The following VWA8 variants were observed in gnomAD, a reference collection of about 807,000 sequenced individuals.
The protein encoded by VWA8 is von Willebrand factor A domain containing 8.
VWA8 carries 221 observed loss-of-function variants against 241.5 expected under a neutral mutation model. The observed-to-expected ratio is 0.91, with a 90% CI of 0.82 to 1.02. The LOEUF (loss-of-function observed/expected upper bound fraction) is 1.02, where lower values mean the gene tolerates loss of function less well. VWA8 is among the 50% of genes least tolerant of loss of function. The pLI, the probability that VWA8 is intolerant of heterozygous loss-of-function variation, is 0.00. For missense variants in VWA8, 2,322 were observed against 2,328.7 expected, an observed-to-expected ratio of 1.00 and a Z score of 0.06; for synonymous variants, 852 against 827.1, an observed-to-expected ratio of 1.03 and a Z score of -0.52.
chr13:41,852,259 C>G (rs1216166607), intron 12 of VWA8, among the ~76,000 whole-genome samples: 2 of 152,092 alleles, frequency 1.3e-5, no homozygotes, highest in Non-Finnish European at 2.9e-5. Context: ...TGAGAAATGT[C>G]TATTCAGGTT....
chr13:41,950,379 T>A (rs74386701), intron 1 of VWA8, among the ~76,000 whole-genome samples: 1 of 152,046 alleles, frequency 6.6e-6, no homozygotes, highest in African/African-American at 2.4e-5. Flanking sequence ...TTTTTTTTTT[T>A]TGTTTTTGAG....
intron 27 of VWA8, 22 bp downstream of exon 27, chr13:41,703,281 A>G: frequency 6.3e-7 from 1 of 1,582,798 alleles, no homozygotes; most frequent in South Asian, 1.1e-5. Context: ...ATATTTTAAG[A>G]GAGAATAATG....
At chr13:41,756,748 GT>G (rs1387055700) in intron 21 of VWA8, among the ~76,000 whole-genome samples, 1 of 151,430 alleles carries the variant, frequency 6.6e-6, no homozygotes. Flanking sequence ...AAGAAAAAAA[GT>G]TTTTTCCTTA....
At chr13:41,678,920 A>G (rs905756438) in intron 35 of VWA8, among the ~76,000 whole-genome samples, 40 of 152,214 alleles carry the variant, frequency 2.6e-4, no homozygotes, top group African/African-American at 8.9e-4. Flanking sequence ...TAAAAATAAT[A>G]AAAATTGATG....
intron 17 of VWA8, among the ~76,000 whole-genome samples, chr13:41,803,059 C>T (rs968373619): frequency 3.3e-5 from 5 of 152,200 alleles, no homozygotes; most frequent in Non-Finnish European, 4.4e-5. Context: ...CCAAGACCAC[C>T]AATGTGGTAT....
intron 8 of VWA8, among the ~76,000 whole-genome samples, chr13:41,884,890 TATACATACATACATACATACATACATAC>T (rs10544998): frequency 4.7e-5 from 7 of 149,936 alleles, no homozygotes; most frequent in Admixed American, 4.7e-4. Flanking sequence ...AACATACATA[TATACATACATACATACATACATACATAC>T]ATACATACAT....
intron 17 of VWA8, among the ~76,000 whole-genome samples, chr13:41,789,758 G>A (rs1464504631): frequency 1.3e-5 from 2 of 152,148 alleles, no homozygotes; most frequent in Non-Finnish European, 2.9e-5. Context: ...GAAAAAGACT[G>A]AGGGGTTCTG....
chr13:41,873,603 C>T (rs1250289612), intron 9 of VWA8, among the ~76,000 whole-genome samples: 5 of 151,964 alleles, frequency 3.3e-5, no homozygotes, highest in African/African-American at 7.3e-5. Context: ...ATAAATTCCT[C>T]GACACATACA....
intron 21 of VWA8, among the ~76,000 whole-genome samples, chr13:41,747,677 A>G (rs1593741053): frequency 6.6e-6 from 1 of 151,828 alleles, no homozygotes; most frequent in South Asian, 2.1e-4. Flanking sequence ...GTCTTGTGCC[A>G]TTTTCAAAGG....
chr13:41,619,647 A>T (rs1188793472), intron 37 of VWA8, among the ~76,000 whole-genome samples: 3 of 152,166 alleles, frequency 2.0e-5, no homozygotes, highest in Non-Finnish European at 4.4e-5. Flanking sequence ...ACGTTCCATC[A>T]ATATCTAGTT....
At chr13:41,727,136 G>C (rs118089102) in intron 24 of VWA8, 58 bp downstream of exon 24, 21,767 of 1,324,932 alleles carry the variant, frequency 0.016, 270 homozygotes, top group Middle Eastern at 0.057. Flanking sequence ...CATTACAGCA[G>C]TGTTACTAAT....
At chr13:41,611,937 T>C (rs1180836840) in intron 38 of VWA8, among the ~76,000 whole-genome samples, 3 of 152,192 alleles carry the variant, frequency 2.0e-5, no homozygotes, top group Non-Finnish European at 4.4e-5. Flanking sequence ...ACTACCTATA[T>C]ATCAAGGCTT....
At chr13:41,569,847 T>C (rs1297309813) in intron 44 of VWA8, among the ~76,000 whole-genome samples, 1 of 152,214 alleles carries the variant, frequency 6.6e-6, no homozygotes, top group Non-Finnish European at 1.5e-5. Flanking sequence ...AGATTCTCTA[T>C]TGAATATTTA....
chr13:41,766,290 G>C (rs1364314147), intron 20 of VWA8, among the ~76,000 whole-genome samples: 2 of 151,962 alleles, frequency 1.3e-5, no homozygotes, highest in Non-Finnish European at 2.9e-5. Context: ...AATACAGAAC[G>C]TACAAAACTC....
At chr13:41,749,380 A>C (rs1319000504) in intron 21 of VWA8, among the ~76,000 whole-genome samples, 2 of 152,086 alleles carry the variant, frequency 1.3e-5, no homozygotes, top group Non-Finnish European at 2.9e-5. Flanking sequence ...GGATGTGGAG[A>C]AATAGGAACA....
chr13:41,925,837 G>A lies in VWA8; in HGVS notation c.242-13669C>T, dbSNP rs114737693. On this transcript the variant is annotated intron_variant, in intron 2 of 44. Transcript: ENST00000379310. Reference sequence around the variant, plus strand: ...CCAAATCAACACTACAAGATCCATAGTCAGGCAGTTTATCAACTGAATGTC... The same window carrying A: ...CCAAATCAACACTACAAGATCCATAATCAGGCAGTTTATCAACTGAATGTC... The A allele has an allele frequency of 8.2e-4, 251 of 305,104 alleles. 1 individual carries two copies. The highest frequency in any genetic ancestry group is 5.2e-3 in the African/African-American group (233 of 44,682). The allele number at this position is 305,104 out of a possible 1,614,324, so 18.9% of individuals were successfully genotyped here.
At chr13:41,778,740 A>G (rs1047288412) in intron 19 of VWA8, among the ~76,000 whole-genome samples, 10 of 152,008 alleles carry the variant, frequency 6.6e-5, no homozygotes, top group Admixed American at 3.9e-4. Context: ...GCAGCTAAAT[A>G]AGTACTAAAG....
At chr13:41,952,581 G>T (rs1336178561) in intron 1 of VWA8, among the ~76,000 whole-genome samples, 1 of 152,110 alleles carries the variant, frequency 6.6e-6, no homozygotes, top group Admixed American at 6.5e-5. Flanking sequence ...CTGACAAAAT[G>T]ATACTGAGTA....
At position 41,924,439 on chromosome 13, in the gene VWA8, C is replaced by T. The variant is rs137904595; in HGVS notation, c.242-12271G>A. 2.1e-3 allele frequency among the ~76,000 whole-genome samples: 229 copies of T among 109,326 alleles called. 2 individuals carry two copies. Among genetic ancestry groups the T allele is most frequent in the African/African-American group, 8.1e-3 (221 of 27,192 alleles). 71.7% of individuals were successfully genotyped at this position (109,326 alleles called of 152,430 possible). A position where few individuals can be genotyped will look rare whatever the true frequency, so the allele number is the denominator to read the frequency against. ...GGAGAGGAGATGAAGGAAGGAAAAG[C>T]GGGGGGAAGGGAGGAAGGAAGAAAG... On this transcript the variant is annotated intron_variant, in intron 2 of 44. Coordinates refer to ENST00000379310, the MANE Select transcript of VWA8 (RefSeq NM_015058.2).
Sources: allele counts gnomAD v4.1 joint callset (sites outside exome capture counted in the v4.1 genomes callset), GRCh38; gene constraint gnomAD v4.1.1; transcripts MANE v1.5; gene names NCBI Gene and HGNC (gene_info 2026-07-23, HGNC 2026-07-21).